Variants in VCAN observed in about 807,000 individuals in gnomAD.
VCAN encodes the protein versican.
A neutral mutation model predicts 245.5 loss-of-function variants in VCAN; 44 were observed. The ratio of observed to expected loss-of-function variants is 0.18; its 90% confidence interval spans 0.14 to 0.23. The LOEUF is 0.23. Ranked by LOEUF, VCAN falls within the 10% of genes least tolerant of loss-of-function variation. VCAN has a pLI of 1.00. For missense variants in VCAN, 3,793 were observed against 4,057.9 expected (o/e 0.93, Z 1.77); for synonymous variants, 1,413 against 1,437.0 (o/e 0.98, Z 0.38).
Position 83,537,202 on chromosome 5 carries a change from C to T in VCAN, c.4199C>T (p.Thr1400Ile). ...GAAGAAGAAGAGTGTGCAAATGCTA[C>T]TGATGTGACAACCACCCCATCTGTG... ...EEEEEECANA[T>I]DVTTTPSVQY... is the part of the protein sequence containing the mutation. The change falls in exon 8 of 15, where the codon ACT (threonine) becomes ATT (isoleucine). Residue 1400 changes from threonine (T) to isoleucine (I), a missense_variant. By Grantham distance (89) the Thr-to-Ile change is moderately conservative (BLOSUM62 -1). Coordinates refer to ENST00000265077, the MANE Select transcript of VCAN (RefSeq NM_004385.5). 1 of 1,613,700 alleles carries T rather than the reference C, an allele frequency of 6.2e-7. No homozygotes were observed. Among genetic ancestry groups the T allele is most frequent in the Non-Finnish European group, 8.5e-7 (1 of 1,179,892 alleles).
chr5:83,503,250 A>C (rs927046087), intron 5 of VCAN, among the ~76,000 whole-genome samples: 6 of 152,182 alleles, frequency 3.9e-5, no homozygotes, highest in African/African-American at 1.4e-4. Flanking sequence ...GAAAAGAAAA[A>C]GAAAGTGTTG....
rs1194640203 is a variant in VCAN at position 83,493,827 on chromosome 5, T to C, written c.644T>C (p.Val215Ala). 2.5e-6 allele frequency: 4 copies of C among 1,613,878 alleles called. No individual in the cohort carries two copies. The African/African-American group carries it at 5.3e-5, about 22-fold the overall frequency. The change falls in exon 5 of 15, where the codon GTA becomes GCA. Residue 215 changes from valine to alanine, a missense_variant. Transcript: ENST00000265077. ...TVRYPIRAPR[V>A]GCYGDKMGKA... ...AGATATCCCATCCGGGCTCCCAGAG[T>C]AGGCTGTTATGGAGATAAGATGGGA...
intron 12 of VCAN, among the ~76,000 whole-genome samples, chr5:83,567,517 GTC>G (rs1561274040): frequency 1.3e-5 from 2 of 151,968 alleles, no homozygotes; most frequent in Non-Finnish European, 2.9e-5. Context: ...GGCCAGGCTG[GTC>G]TCGAACTCCT....
chr5:83,541,496 C>G lies in VCAN; in HGVS notation c.8493C>G (p.Ile2831Met). ...SSQTPSSPLTIYSGSEASGHT... is the reference protein window; with the variant it reads ...SSQTPSSPLTMYSGSEASGHT... Reference sequence around the variant, plus strand: ...AGACACCATCATCTCCCCTCACTATCTACTCAGGCAGTGAAGCCTCTGGAC... The same window carrying G: ...AGACACCATCATCTCCCCTCACTATGTACTCAGGCAGTGAAGCCTCTGGAC... Residue 2831 changes from isoleucine to methionine, a missense_variant, in exon 8 of 15, where the codon ATC (isoleucine) becomes ATG (methionine). This residue lies in a region of VCAN where 3,182 missense variants were observed against 3,250.3 expected (regional missense o/e 0.98). Coordinates refer to ENST00000265077, the MANE Select transcript of VCAN (RefSeq NM_004385.5). 1 of 1,614,072 alleles carries G rather than the reference C, an allele frequency of 6.2e-7. No individual in the cohort carries two copies. Among genetic ancestry groups the G allele is most frequent in the South Asian group, 1.1e-5 (1 of 91,084 alleles).
Position 83,540,777 on chromosome 5 carries a change from G to A in VCAN, c.7774G>A (p.Gly2592Arg). ...HTKPVYEDIL[G>R]MQTDIDTEVP... Reference sequence around the variant, plus strand: ...TAAACCTGTGTATGAAGACATTCTTGGAATGCAAACAGATATAGATACAGA... The same window carrying A: ...TAAACCTGTGTATGAAGACATTCTTAGAATGCAAACAGATATAGATACAGA... The change falls in exon 8 of 15, where the codon GGA (glycine) becomes AGA (arginine). Residue 2592 changes from glycine to arginine, a missense_variant. By Grantham distance (125) the Gly-to-Arg change is moderately radical (BLOSUM62 -2). Transcript: ENST00000265077. The A allele has an allele frequency of 6.2e-7, 1 of 1,613,894 alleles. No homozygotes were observed. Among genetic ancestry groups the A allele is most frequent in the Non-Finnish European group, 8.5e-7 (1 of 1,179,950 alleles).
In VCAN at chr5:83,537,495, C is replaced by G. The variant is rs777700826; in HGVS notation, c.4492C>G (p.Pro1498Ala). 2 of 1,613,864 alleles carry G rather than the reference C, an allele frequency of 1.2e-6. No individual in the cohort carries two copies. Among genetic ancestry groups the G allele is most frequent in the African/African-American group, 1.3e-5 (1 of 74,990 alleles). The change falls in exon 8 of 15, where the codon CCT becomes GCT. Residue 1498 changes from proline (P) to alanine (A), a missense_variant. This residue lies in a region of VCAN where 3,182 missense variants were observed against 3,250.3 expected (regional missense o/e 0.98). Coordinates refer to ENST00000265077, the MANE Select transcript of VCAN (RefSeq NM_004385.5). ...ATCAGAACATTTTTCAGGTGGTGAG[C>G]CTGATGTTTTCCCCACAGTCCCATT... is the stretch of plus-strand genomic sequence containing the variant. ...ETSEHFSGGEPDVFPTVPFHE... is the reference protein window; with the variant it reads ...ETSEHFSGGEADVFPTVPFHE...
At chr5:83,494,952 C>T (rs961310007) in intron 5 of VCAN, among the ~76,000 whole-genome samples, 2 of 151,852 alleles carry the variant, frequency 1.3e-5, no homozygotes, top group African/African-American at 2.4e-5. Context: ...AGCACTCCAG[C>T]CTAGGTGACA....
chr5:83,579,974 C>A lies in VCAN; in HGVS notation c.9881-6C>A, dbSNP rs756022571. The A allele has an allele frequency of 6.2e-7, 1 of 1,613,986 alleles. No homozygotes were observed. The highest frequency in any genetic ancestry group is 1.7e-5 in the Admixed American group (1 of 59,998). On this transcript the variant is annotated splice_region_variant and splice_polypyrimidine_tract_variant and intron_variant, in intron 13 of 14. Transcript: ENST00000265077. ...TTTGGAAATAACCCAATTTGCTTTC[C>A]TTTAGTCGCTTGCGGCCAGCCCCCT...
intron 13 of VCAN, among the ~76,000 whole-genome samples, chr5:83,576,215 A>C (rs1748469969): frequency 6.6e-6 from 1 of 152,076 alleles, no homozygotes; most frequent in Admixed American, 6.6e-5. Flanking sequence ...ATAATGACTT[A>C]ATTCCCTTGC....
chr5:83,478,476 C>A (rs995828723), intron 1 of VCAN, among the ~76,000 whole-genome samples: 1 of 152,106 alleles, frequency 6.6e-6, no homozygotes, highest in African/African-American at 2.4e-5. Context: ...GTACCAATAT[C>A]ACCCAAGACA....
chr5:83,515,317 A>G (rs1251959145), intron 6 of VCAN, among the ~76,000 whole-genome samples: 1 of 152,274 alleles, frequency 6.6e-6, no homozygotes, highest in African/African-American at 2.4e-5. Context: ...AATCAAAACC[A>G]TTCAAAACTC....
intron 12 of VCAN, among the ~76,000 whole-genome samples, chr5:83,571,741 C>A (rs1383806524): frequency 6.6e-6 from 1 of 152,058 alleles, no homozygotes; most frequent in Non-Finnish European, 1.5e-5. Flanking sequence ...GAAAACATTT[C>A]ATATTAAATC....
chr5:83,552,984 T>A (rs986119231), intron 10 of VCAN, among the ~76,000 whole-genome samples: 1 of 152,202 alleles, frequency 6.6e-6, no homozygotes, highest in Non-Finnish European at 1.5e-5. Context: ...GGAACTCTTA[T>A]CTATCACTTG....
chr5:83,574,716 C>T (rs1748411549), intron 13 of VCAN, among the ~76,000 whole-genome samples: 1 of 152,118 alleles, frequency 6.6e-6, no homozygotes, highest in African/African-American at 2.4e-5. Context: ...GCTTTTTAAC[C>T]ATTCCCTTAG....
At chr5:83,571,662 A>G (rs1383121027) in intron 12 of VCAN, among the ~76,000 whole-genome samples, 1 of 152,194 alleles carries the variant, frequency 6.6e-6, no homozygotes, top group Non-Finnish European at 1.5e-5. Flanking sequence ...AATCTGTAAT[A>G]AGATATACTT....
chr5:83,562,945 T>TG (rs1747926393), intron 12 of VCAN, among the ~76,000 whole-genome samples: 1 of 152,150 alleles, frequency 6.6e-6, no homozygotes, highest in Non-Finnish European at 1.5e-5. Flanking sequence ...ATTAGTGCTG[T>TG]TCTCAAGAGC....
chr5:83,516,067 C>A (rs1270323087), intron 6 of VCAN, among the ~76,000 whole-genome samples: 1 of 152,186 alleles, frequency 6.6e-6, no homozygotes, highest in Non-Finnish European at 1.5e-5. Flanking sequence ...CCCATCTCTA[C>A]TAAAAATACA....
chr5:83,532,285 C>T (rs1746553953), intron 7 of VCAN, among the ~76,000 whole-genome samples: 1 of 151,804 alleles, frequency 6.6e-6, no homozygotes, highest in Non-Finnish European at 1.5e-5. Flanking sequence ...GAGGTAATTT[C>T]AGAGGAAGAA....
At chr5:83,507,686 A>T (rs975514282) in intron 5 of VCAN, among the ~76,000 whole-genome samples, 1 of 152,202 alleles carries the variant, frequency 6.6e-6, no homozygotes, top group Non-Finnish European at 1.5e-5. Flanking sequence ...GCATCCTTCT[A>T]TGAGCATTCA....
Sources: allele counts gnomAD v4.1 joint callset (sites outside exome capture counted in the v4.1 genomes callset), GRCh38; gene constraint gnomAD v4.1.1; regional missense constraint gnomAD v4.1.1; transcripts MANE v1.5; gene names NCBI Gene and HGNC (gene_info 2026-07-23, HGNC 2026-07-21).